PPA2: variants seen among roughly 807,000 people sequenced by gnomAD.
The protein encoded by PPA2 is inorganic pyrophosphatase 2, mitochondrial.
PPA2 carries 48 observed loss-of-function variants against 49.5 expected under a neutral mutation model. That is an observed-to-expected ratio of 0.97 (90% CI 0.77 to 1.23). PPA2 has a LOEUF of 1.23. Ranked by LOEUF, PPA2 falls within the 50% of genes most tolerant of loss-of-function variation. The probability of loss-of-function intolerance (pLI) is 0.00; values close to 1 mark genes in which losing one functional copy is unlikely to be tolerated. For missense variants in PPA2, 429 were observed against 410.1 expected (o/e 1.05, Z -0.40); for synonymous variants, 131 against 139.9 (o/e 0.94, Z 0.45).
rs543675404 is a variant in PPA2 at position 105,374,877 on chromosome 4, A to G, written c.940-4004T>C. ...TTTTTTCTTTTTTTTTTTTTTTTAG[A>G]GACGGGGTTTTACCATGTTGGCCAG... On this transcript the variant is annotated intron_variant, in intron 10 of 11. Coordinates refer to ENST00000341695, the MANE Select transcript of PPA2 (RefSeq NM_176869.3). Among the ~76,000 whole-genome samples, 102 of 141,320 alleles carry G rather than the reference A, an allele frequency of 7.2e-4. 2 individuals carry two copies. In the South Asian group the frequency reaches 0.022, roughly 31 times the overall value. 92.7% of individuals were successfully genotyped at this position (141,320 alleles called of 152,430 possible). A position where few individuals can be genotyped will look rare whatever the true frequency, so the allele number is the denominator to read the frequency against.
intron 1 of PPA2, among the ~76,000 whole-genome samples, chr4:105,470,683 T>G (rs1723487465): frequency 6.6e-6 from 1 of 152,216 alleles, no homozygotes. Flanking sequence ...ATAACATTTA[T>G]TAAATACCTA....
chr4:105,426,227 G>A (rs926785153), intron 6 of PPA2, among the ~76,000 whole-genome samples: 7 of 152,114 alleles, frequency 4.6e-5, no homozygotes, highest in East Asian at 1.9e-4. Context: ...CAAGATGGCC[G>A]AATAGGAACA....
At chr4:105,392,309 G>A (rs1338930237) in intron 9 of PPA2, among the ~76,000 whole-genome samples, 1 of 151,932 alleles carries the variant, frequency 6.6e-6, no homozygotes, top group Non-Finnish European at 1.5e-5. Context: ...AATTTTCAAG[G>A]TATCAATGAA....
chr4:105,374,568 T>C (rs543321387), intron 10 of PPA2, among the ~76,000 whole-genome samples: 1 of 152,312 alleles, frequency 6.6e-6, no homozygotes, highest in Admixed American at 6.5e-5. Context: ...ATATAAACTG[T>C]TAATACAACT....
intron 1 of PPA2, among the ~76,000 whole-genome samples, chr4:105,464,560 G>A (rs1450107799): frequency 6.6e-6 from 1 of 152,190 alleles, no homozygotes; most frequent in Non-Finnish European, 1.5e-5. Context: ...GAATGATATG[G>A]TTTGGCTGTG....
intron 10 of PPA2, among the ~76,000 whole-genome samples, chr4:105,382,588 T>C (rs1184440919): frequency 6.6e-6 from 1 of 152,174 alleles, no homozygotes; most frequent in Non-Finnish European, 1.5e-5. Context: ...CTCTAAGCCT[T>C]GCTCCCTGAA....
At chr4:105,422,442 G>A (rs1440331848) in intron 7 of PPA2, among the ~76,000 whole-genome samples, 1 of 152,108 alleles carries the variant, frequency 6.6e-6, no homozygotes, top group African/African-American at 2.4e-5. Context: ...TTCTGAGTAC[G>A]CAACAGAAAT....
At chr4:105,433,097 G>C (rs921122145) in intron 6 of PPA2, among the ~76,000 whole-genome samples, 2 of 152,086 alleles carry the variant, frequency 1.3e-5, no homozygotes, top group African/African-American at 2.4e-5. Flanking sequence ...GTTCCTAAAG[G>C]AAATCATTCA....
intron 1 of PPA2, among the ~76,000 whole-genome samples, chr4:105,466,686 T>C (rs1451202050): frequency 6.6e-6 from 1 of 152,188 alleles, no homozygotes; most frequent in African/African-American, 2.4e-5. Flanking sequence ...AGTGGGCAAC[T>C]TGAAAAGACA....
chr4:105,392,260 T>C (rs1733953281), intron 9 of PPA2, among the ~76,000 whole-genome samples: 1 of 150,184 alleles, frequency 6.7e-6, no homozygotes, highest in African/African-American at 2.5e-5. Flanking sequence ...AAAAAAAGAA[T>C]AAACAACAAC....
chr4:105,460,877 A>ATATATAT (rs1553929836), intron 1 of PPA2, among the ~76,000 whole-genome samples: 1 of 151,504 alleles, frequency 6.6e-6, no homozygotes, highest in African/African-American at 2.4e-5. Flanking sequence ...ATAGTTTTCT[A>ATATATAT]ATTGTCATTT....
intron 5 of PPA2, among the ~76,000 whole-genome samples, chr4:105,440,055 T>C (rs1724275610): frequency 6.6e-6 from 1 of 152,052 alleles, no homozygotes; most frequent in African/African-American, 2.4e-5. Context: ...TCAGAAAATA[T>C]CTGAGAGGTT....
chr4:105,429,299 G>C (rs1723685437), intron 6 of PPA2, among the ~76,000 whole-genome samples: 1 of 152,180 alleles, frequency 6.6e-6, no homozygotes, highest in Admixed American at 6.5e-5. Flanking sequence ...CAAGAAACGA[G>C]TAGATGAGAG....
chr4:105,473,708 C>G, intron 1 of PPA2, 186 bp downstream of exon 1: 1 of 938,086 alleles, frequency 1.1e-6, no homozygotes, highest in Non-Finnish European at 1.7e-6. Context: ...CGCCTCCTCG[C>G]TGGCAGTTCT....
At chr4:105,457,126 CT>C (rs1560640805) in intron 1 of PPA2, among the ~76,000 whole-genome samples, 1 of 151,938 alleles carries the variant, frequency 6.6e-6, no homozygotes, top group African/African-American at 2.4e-5. Flanking sequence ...CTTGGGGAAA[CT>C]TAACAATAGT....
chr4:105,398,450 TG>T (rs1421269086), intron 8 of PPA2: 1 of 152,186 alleles, frequency 6.6e-6, no homozygotes, highest in East Asian at 1.9e-4. Context: ...ACTTAAAAGT[TG>T]GTTTCAAATA....
chr4:105,374,116 A>G (rs1185967361), intron 10 of PPA2, among the ~76,000 whole-genome samples: 1 of 152,238 alleles, frequency 6.6e-6, no homozygotes, highest in East Asian at 1.9e-4. Flanking sequence ...CTAAAAAAAT[A>G]ACTTTTAGTT....
intron 6 of PPA2, among the ~76,000 whole-genome samples, chr4:105,433,352 A>G (rs1343307476): frequency 2.0e-5 from 3 of 152,230 alleles, no homozygotes; most frequent in Non-Finnish European, 4.4e-5. Context: ...TCTTAATAGA[A>G]AGAGAAGTTT....
At position 105,471,920 on chromosome 4, in the gene PPA2, C is replaced by T. The variant is rs780380604; in HGVS notation, c.157+1974G>A. Among the ~76,000 whole-genome samples the T allele has an allele frequency of 6.4e-4, 97 of 152,162 alleles. 1 individual carries two copies. The highest frequency in any genetic ancestry group is 5.6e-4 in the Non-Finnish European group (38 of 68,034). On this transcript the variant is annotated intron_variant, in intron 1 of 11. Coordinates refer to ENST00000341695, the MANE Select transcript of PPA2 (RefSeq NM_176869.3). ...TTTTCTTCTTTCCTGCCCTGTTTAT[C>T]CAACTGAATGAAAAACGTATTTTAT...
Sources: gnomAD v4.1 joint callset for allele counts (sites outside exome capture counted in the v4.1 genomes callset) on GRCh38, gnomAD v4.1.1 for gene constraint, MANE v1.5 for transcripts, NCBI Gene and HGNC (gene_info 2026-07-23, HGNC 2026-07-21) for gene names.